NRXN3: variants seen among roughly 807,000 people sequenced by gnomAD.
NRXN3 encodes the protein neurexin III.
Under a neutral mutation model 137.6 loss-of-function variants are expected in NRXN3, and 32 were observed. That is an observed-to-expected ratio of 0.23 (90% CI 0.18 to 0.31). The LOEUF (loss-of-function observed/expected upper bound fraction) is 0.31. Ranked by LOEUF, NRXN3 falls within the 10% of genes least tolerant of loss-of-function variation. The pLI is 1.00. For synonymous variants in NRXN3, 798 were observed against 784.5 expected, an observed-to-expected ratio of 1.02 and a Z score of -0.29; for missense variants, 1,574 against 2,062.5, an observed-to-expected ratio of 0.76 and a Z score of 4.59.
intron 8 of NRXN3, among the ~76,000 whole-genome samples, chr14:78,778,842 A>G (rs2098758040): frequency 9.7e-6 from 1 of 103,442 alleles, no homozygotes; most frequent in Admixed American, 1.0e-4. Flanking sequence ...TCTTTTTTCT[A>G]CCTCTTCTTA....
At chr14:78,248,280 T>TAGTGACTA (rs2067988203) in intron 2 of NRXN3, among the ~76,000 whole-genome samples, 2 of 124,286 alleles carry the variant, frequency 1.6e-5, no homozygotes, top group Non-Finnish European at 3.2e-5. Flanking sequence ...TGGTCCTCAG[T>TAGTGACTA]AGTGACTAGC....
At chr14:79,751,027 T>TAAAA (rs1254180005) in intron 19 of NRXN3, among the ~76,000 whole-genome samples, 1 of 152,156 alleles carries the variant, frequency 6.6e-6, no homozygotes, top group Non-Finnish European at 1.5e-5. Flanking sequence ...TTTGTTCTTT[T>TAAAA]GGCTTAGGAT....
chr14:79,409,224 GAT>G (rs143060478), intron 15 of NRXN3, among the ~76,000 whole-genome samples: 4 of 150,224 alleles, frequency 2.7e-5, no homozygotes, highest in Non-Finnish European at 3.0e-5. Flanking sequence ...GGTAGCATGT[GAT>G]ATATATATAT....
In NRXN3 at chr14:79,628,634, C is replaced by A. The variant is rs74365946; in HGVS notation, c.3445-35144C>A. On this transcript the variant is annotated intron_variant, in intron 16 of 20. Coordinates refer to ENST00000335750, the MANE Select transcript of NRXN3 (RefSeq NM_001330195.2). ...TCGAGAATACCTTGGCAGAGCCAAG[C>A]CTTCTGCTTAGGGAATGGCTAGCAG... Among the ~76,000 whole-genome samples the A allele has an allele frequency of 5.1e-3, 775 of 152,284 alleles. 3 individuals carry two copies. Among genetic ancestry groups the A allele is most frequent in the African/African-American group, 0.013 (546 of 41,560 alleles).
chr14:78,546,221 T>A lies in NRXN3; in HGVS notation c.758-98899T>A, dbSNP rs562768389. Among the ~76,000 whole-genome samples, 114 of 152,368 alleles carry A rather than the reference T, an allele frequency of 7.5e-4. 1 individual carries two copies. The highest frequency in any genetic ancestry group is 3.4e-3 in the Middle Eastern group (1 of 294). ...CACCCTTTTCACACATCCCTGATAG[T>A]GATACGAATTATTGCTTTTTTAAAT... On this transcript the variant is annotated intron_variant, in intron 4 of 20. Coordinates refer to ENST00000335750, the MANE Select transcript of NRXN3 (RefSeq NM_001330195.2).
chr14:78,532,002 T>A (rs2096467667), intron 4 of NRXN3, among the ~76,000 whole-genome samples: 1 of 152,080 alleles, frequency 6.6e-6, no homozygotes. Context: ...AGAACCTTAT[T>A]CCTGCTTCAT....
intron 1 of NRXN3, among the ~76,000 whole-genome samples, chr14:78,204,492 T>C (rs75239493): frequency 0.021 from 3,228 of 152,312 alleles, 43 homozygotes; most frequent in South Asian, 0.051. Flanking sequence ...ATAATGTTAC[T>C]GTGAGAAAAG....
At position 78,377,646 on chromosome 14, in the gene NRXN3, A is replaced by G. The variant is rs112882982; in HGVS notation, c.757+79786A>G. Among the ~76,000 whole-genome samples the G allele has an allele frequency of 2.4e-3, 370 of 152,284 alleles. 2 individuals carry two copies. Among genetic ancestry groups the G allele is most frequent in the African/African-American group, 8.5e-3 (354 of 41,554 alleles). ...TGAAAGTCCAAGAGAGAGGTGTCAG[A>G]AGTTTGGTTTATTCTGCTGAGGCCT... On this transcript the variant is annotated intron_variant, in intron 4 of 20. Transcript: ENST00000335750.
chr14:78,998,338 C>T (rs908303571), intron 15 of NRXN3, among the ~76,000 whole-genome samples: 16 of 152,136 alleles, frequency 1.1e-4, no homozygotes. Flanking sequence ...GTGCTTCAAG[C>T]CGCAAATTCT....
chr14:79,487,330 T>C (rs1188927745), intron 16 of NRXN3, among the ~76,000 whole-genome samples: 1 of 152,128 alleles, frequency 6.6e-6, no homozygotes, highest in East Asian at 1.9e-4. Flanking sequence ...TTTTGTAACA[T>C]GTTCTTGTGC....
chr14:78,616,188 A>G (rs760097261), intron 4 of NRXN3, among the ~76,000 whole-genome samples: 26 of 152,132 alleles, frequency 1.7e-4, no homozygotes, highest in Non-Finnish European at 3.4e-4. Flanking sequence ...AAAACCCTTT[A>G]ATGGTTTCCA....
At chr14:79,031,336 T>C (rs1467882687) in intron 15 of NRXN3, among the ~76,000 whole-genome samples, 1 of 152,176 alleles carries the variant, frequency 6.6e-6, no homozygotes. Context: ...TATAAAGCAA[T>C]TATCTTAGAA....
chr14:79,231,283 G>A (rs1568699820), intron 15 of NRXN3, among the ~76,000 whole-genome samples: 1 of 152,080 alleles, frequency 6.6e-6, no homozygotes, highest in Non-Finnish European at 1.5e-5. Flanking sequence ...TAGACCAGTT[G>A]CCATTTATTC....
chr14:78,898,622 G>A (rs2099185934), intron 10 of NRXN3, among the ~76,000 whole-genome samples: 1 of 149,252 alleles, frequency 6.7e-6, no homozygotes, highest in Non-Finnish European at 1.5e-5. Flanking sequence ...CAAGCTGTCG[G>A]TTATATTCCA....
chr14:79,793,602 G>T (rs1469828002), intron 19 of NRXN3, among the ~76,000 whole-genome samples: 1 of 152,004 alleles, frequency 6.6e-6, no homozygotes, highest in Non-Finnish European at 1.5e-5. Flanking sequence ...TATAATTTGT[G>T]GAAACCAATG....
chr14:79,148,227 T>C (rs2059479379), intron 15 of NRXN3, among the ~76,000 whole-genome samples: 1 of 152,076 alleles, frequency 6.6e-6, no homozygotes, highest in Non-Finnish European at 1.5e-5. Flanking sequence ...TACTGGAAGC[T>C]CAGAGGGTTC....
intron 10 of NRXN3, among the ~76,000 whole-genome samples, chr14:78,922,661 A>C (rs2099274116): frequency 6.6e-6 from 1 of 152,146 alleles, no homozygotes; most frequent in Admixed American, 6.6e-5. Flanking sequence ...GAACACATGG[A>C]CACAGGGAGG....
chr14:79,629,018 C>G (rs191446890), intron 16 of NRXN3, among the ~76,000 whole-genome samples: 7 of 152,118 alleles, frequency 4.6e-5, no homozygotes, highest in African/African-American at 1.7e-4. Context: ...ACCTTATTTT[C>G]AATGGGCAGT....
chr14:78,897,440 C>T (rs2099180632), intron 10 of NRXN3, among the ~76,000 whole-genome samples: 1 of 151,184 alleles, frequency 6.6e-6, no homozygotes, highest in Non-Finnish European at 1.5e-5. Context: ...AGGGGAGAGA[C>T]ATTGAAAAAC....
Sources: gnomAD v4.1 joint callset for allele counts (sites outside exome capture counted in the v4.1 genomes callset) on GRCh38, gnomAD v4.1.1 for gene constraint, MANE v1.5 for transcripts, NCBI Gene and HGNC (gene_info 2026-07-23, HGNC 2026-07-21) for gene names.